The following TEN1 variants were observed in gnomAD, a reference collection of about 807,000 sequenced individuals.
TEN1 encodes TEN1 subunit of CST complex, also known as CST complex subunit TEN1.
A neutral mutation model predicts 9.3 loss-of-function variants in TEN1; 6 were observed. The observed-to-expected ratio is 0.65, with a 90% CI of 0.35 to 1.27. The LOEUF is 1.27. Ranked by LOEUF, TEN1 falls within the 50% of genes most tolerant of loss-of-function variation. TEN1 has a pLI of 0.03. For missense variants in TEN1, 149 were observed against 158.2 expected, an observed-to-expected ratio of 0.94 and a Z score of 0.31; for synonymous variants, 65 against 65.6, an observed-to-expected ratio of 0.99 and a Z score of 0.04.
intron 3 of TEN1, among the ~76,000 whole-genome samples, chr17:75,996,344 G>A (rs1297479175): frequency 6.6e-6 from 1 of 152,102 alleles, no homozygotes; most frequent in African/African-American, 2.4e-5. Context: ...AATTAGCTGA[G>A]CGTGGTGGCA....
At chr17:75,993,442 A>G (rs550874689) in intron 3 of TEN1, among the ~76,000 whole-genome samples, 1 of 152,266 alleles carries the variant, frequency 6.6e-6, no homozygotes, top group East Asian at 1.9e-4. Context: ...GAATGAACGC[A>G]GGAGAAATCC....
At chr17:75,992,046 C>CAAAA (rs11309442) in intron 3 of TEN1, among the ~76,000 whole-genome samples, 14 of 54,102 alleles carry the variant, frequency 2.6e-4, no homozygotes, top group East Asian at 1.2e-3. Context: ...GACTCCGTCT[C>CAAAA]AAAAAAAAAA....
At position 75,991,497 on chromosome 17, in the gene TEN1, G is replaced by A; in HGVS notation, c.124G>A (p.Val42Ile). ...LCLYDMIQSR[V>I]TLMAQHGSDQ... The stretch of plus-strand genomic sequence containing the variant: ...CCTCTATGACATGATTCAGTCCAGA[G>A]TAACACTGATGGCTCAGCACGGATC... The change falls in exon 3 of 4, where the codon GTA (valine) becomes ATA (isoleucine). Residue 42 changes from valine to isoleucine, a missense_variant. Transcript: ENST00000397640. 6.4e-7 allele frequency: 1 copy of A among 1,552,346 alleles called. No individual in the cohort carries two copies. Among genetic ancestry groups the A allele is most frequent in the Non-Finnish European group, 8.7e-7 (1 of 1,147,122 alleles).
chr17:76,000,114 GT>G lies in TEN1; in HGVS notation c.251-25del. The G allele has an allele frequency of 6.5e-7, 1 of 1,547,934 alleles. No homozygotes were observed. Among genetic ancestry groups the G allele is most frequent in the South Asian group, 1.2e-5 (1 of 83,910 alleles). On this transcript the variant is annotated intron_variant, in intron 3 of 3. Coordinates refer to ENST00000397640, the MANE Select transcript of TEN1 (RefSeq NM_001113324.3). This position sits in a 1 kb window ranked among gnomAD's most constrained non-coding sequence, Gnocchi z 5.9. ...GTTGTTGACACGCCGCTCAGTCGCCGTTCGTGCCCTGGTGTTTGTCTTGCAG... is the reference window on the plus strand; with the variant it reads ...GTTGTTGACACGCCGCTCAGTCGCCGTCGTGCCCTGGTGTTTGTCTTGCAG...
At chr17:75,998,652 G>A (rs564279957) in intron 3 of TEN1, among the ~76,000 whole-genome samples, 2 of 152,020 alleles carry the variant, frequency 1.3e-5, no homozygotes, top group South Asian at 2.1e-4. Flanking sequence ...CTCAAACAGC[G>A]TCAAAAGAAA....
chr17:75,979,568 T>A (rs188647604), intron 1 of TEN1, 57 bp downstream of exon 1: 2 of 258,858 alleles, frequency 7.7e-6, no homozygotes, highest in East Asian at 2.3e-4. Context: ...GGATTGCGCC[T>A]GCACTTGCCC....
chr17:76,000,161 G>C lies in TEN1; in HGVS notation c.271G>C (p.Ala91Pro). 1.3e-6 allele frequency: 2 copies of C among 1,551,386 alleles called. No individual in the cohort carries two copies. The highest frequency in any genetic ancestry group is 1.7e-6 in the Non-Finnish European group (2 of 1,146,864). ...HQQDRGSVVK[A>P]RVLTCVEGMN... ...TGCAGACAGAGGCTCCGTGGTGAAGGCGCGCGTGCTGACCTGTGTGGAGGG... is the reference window on the plus strand; with the variant it reads ...TGCAGACAGAGGCTCCGTGGTGAAGCCGCGCGTGCTGACCTGTGTGGAGGG... Residue 91 changes from alanine to proline, a missense_variant, in exon 4 of 4, where the codon GCG (alanine) becomes CCG (proline). By Grantham distance (27) the Ala-to-Pro change is conservative. Transcript: ENST00000397640. The surrounding 1 kb of genome is among the most constrained non-coding windows in gnomAD (Gnocchi z 5.9).
intron 1 of TEN1, among the ~76,000 whole-genome samples, chr17:75,980,380 G>A (rs1163984997): frequency 2.0e-5 from 3 of 151,742 alleles, no homozygotes; most frequent in Non-Finnish European, 2.9e-5. Flanking sequence ...CTGCCCAGTG[G>A]GATTGTAGAC....
chr17:75,985,838 T>C (rs942952829), intron 1 of TEN1, among the ~76,000 whole-genome samples: 7 of 149,986 alleles, frequency 4.7e-5, no homozygotes, highest in Admixed American at 6.7e-5. Flanking sequence ...TTTTTTTTCT[T>C]TTTTTTTTAA....
intron 2 of TEN1, among the ~76,000 whole-genome samples, chr17:75,990,510 T>C (rs79080628): frequency 6.6e-6 from 1 of 151,492 alleles, no homozygotes; most frequent in Non-Finnish European, 1.5e-5. Context: ...TTTTTTTTTT[T>C]CTATTTATAG....
At chr17:75,982,131 C>T (rs2066125400) in intron 1 of TEN1, among the ~76,000 whole-genome samples, 1 of 152,176 alleles carries the variant, frequency 6.6e-6, no homozygotes, top group Non-Finnish European at 1.5e-5. Flanking sequence ...GCTTGTTTGA[C>T]TGTAGGCCAT....
In TEN1 at chr17:75,982,075, CCTT is replaced by C. The variant is rs1325363007; in HGVS notation, c.-7+2568_-7+2570del. Among the ~76,000 whole-genome samples the C allele has an allele frequency of 4.6e-5, 7 of 152,250 alleles. No individual in the cohort carries two copies. In the South Asian group the frequency reaches 1.0e-3, roughly 23 times the overall value. On this transcript the variant is annotated intron_variant, in intron 1 of 3. Coordinates refer to ENST00000397640, the MANE Select transcript of TEN1 (RefSeq NM_001113324.3). Reference sequence around the variant, plus strand: ...AAATATATTACTCTTAACTTTCCCTCCTTCTTTTGGTGTAAAAACTGGCCAAAA... The same window carrying C: ...AAATATATTACTCTTAACTTTCCCTCCTTTTGGTGTAAAAACTGGCCAAAA...
chr17:75,993,054 T>G (rs1421692265), intron 3 of TEN1, among the ~76,000 whole-genome samples: 1 of 151,664 alleles, frequency 6.6e-6, no homozygotes, highest in African/African-American at 2.4e-5. Flanking sequence ...TCCTGCCATT[T>G]CTGTATGGAT....
At chr17:75,980,999 CCTT>C (rs908169441) in intron 1 of TEN1, among the ~76,000 whole-genome samples, 1 of 152,106 alleles carries the variant, frequency 6.6e-6, no homozygotes, top group Non-Finnish European at 1.5e-5. Context: ...TGACAGCTGA[CCTT>C]CTAGTTCTAA....
At chr17:75,988,496 A>G (rs2066165326) in intron 2 of TEN1, among the ~76,000 whole-genome samples, 1 of 131,508 alleles carries the variant, frequency 7.6e-6, no homozygotes, top group Admixed American at 8.5e-5. Flanking sequence ...TGGGAGGTTT[A>G]GGCTGCAGTG....
At chr17:75,981,985 C>A (rs968236006) in intron 1 of TEN1, among the ~76,000 whole-genome samples, 2 of 152,152 alleles carry the variant, frequency 1.3e-5, no homozygotes, top group Non-Finnish European at 2.9e-5. Flanking sequence ...CGAGATTGCA[C>A]CACTGCATTC....
intron 3 of TEN1, among the ~76,000 whole-genome samples, chr17:75,992,046 C>CAAAAAA (rs11309442): frequency 7.4e-5 from 4 of 54,144 alleles, no homozygotes; most frequent in Non-Finnish European, 7.7e-5. Flanking sequence ...GACTCCGTCT[C>CAAAAAA]AAAAAAAAAA....
chr17:75,982,934 C>T (rs1396033106), intron 1 of TEN1, among the ~76,000 whole-genome samples: 1 of 148,782 alleles, frequency 6.7e-6, no homozygotes, highest in African/African-American at 2.5e-5. Context: ...TAGTCTCGAA[C>T]TCCTGACCTC....
intron 1 of TEN1, among the ~76,000 whole-genome samples, chr17:75,981,593 G>GTT (rs1198732444): frequency 2.1e-5 from 3 of 141,044 alleles, no homozygotes; most frequent in African/African-American, 2.8e-5. Context: ...CACAAAGCAA[G>GTT]TTGTTTTTTT....
Sources: gnomAD v4.1 joint callset for allele counts (sites outside exome capture counted in the v4.1 genomes callset) on GRCh38, gnomAD v4.1.1 for gene constraint, Gnocchi (gnomAD v3.1) non-coding constraint, MANE v1.5 for transcripts, NCBI Gene and HGNC (gene_info 2026-07-23, HGNC 2026-07-21) for gene names.